Variants in FAT3 observed in about 807,000 individuals in gnomAD.
The protein encoded by FAT3 is FAT atypical cadherin 3.
A neutral mutation model predicts 310.2 loss-of-function variants in FAT3; 95 were observed. The observed-to-expected ratio is 0.31, with a 90% CI of 0.26 to 0.36. The LOEUF is 0.36. FAT3 is among the 10% of genes least tolerant of loss of function. The probability of loss-of-function intolerance (pLI) is 1.00; values close to 1 mark genes in which losing one functional copy is unlikely to be tolerated. For synonymous variants in FAT3, 2,314 were observed against 2,192.9 expected (o/e 1.06, Z -1.54); for missense variants, 5,408 against 5,715.6 (o/e 0.95, Z 1.74).
chr11:92,595,952 A>G (rs575462796), intron 3 of FAT3, among the ~76,000 whole-genome samples: 11 of 152,170 alleles, frequency 7.2e-5, no homozygotes, highest in Non-Finnish European at 1.5e-4. Flanking sequence ...CTAACCTGGA[A>G]CAAGAGAGTA....
intron 3 of FAT3, among the ~76,000 whole-genome samples, chr11:92,635,380 G>A (rs1941728251): frequency 6.6e-6 from 1 of 152,100 alleles, no homozygotes; most frequent in Non-Finnish European, 1.5e-5. Context: ...ACATGCTATA[G>A]TTAGTTTTCC....
chr11:92,511,505 T>C (rs531746071), intron 2 of FAT3, among the ~76,000 whole-genome samples: 2 of 152,298 alleles, frequency 1.3e-5, no homozygotes, highest in South Asian at 2.1e-4. Flanking sequence ...CACATTTTTA[T>C]AGTGTTCCAA....
chr11:92,669,582 G>T (rs1057191830), intron 3 of FAT3, among the ~76,000 whole-genome samples: 3 of 152,144 alleles, frequency 2.0e-5, no homozygotes, highest in Non-Finnish European at 2.9e-5. Flanking sequence ...TCAGCACTTT[G>T]CCTGTCTTTG....
intron 2 of FAT3, among the ~76,000 whole-genome samples, chr11:92,495,442 C>CAAA (rs1158638152): frequency 2.6e-5 from 4 of 151,966 alleles, no homozygotes; most frequent in African/African-American, 9.7e-5. Flanking sequence ...TTGTTTGGCT[C>CAAA]AAAACAATTG....
chr11:92,511,922 A>AT (rs757876260), intron 2 of FAT3, among the ~76,000 whole-genome samples: 14 of 152,190 alleles, frequency 9.2e-5, no homozygotes, highest in Admixed American at 1.3e-4. Context: ...AAATCATTGA[A>AT]TTTCCTATTA....
At chr11:92,262,566 G>A (rs1865600196) in intron 1 of FAT3, among the ~76,000 whole-genome samples, 1 of 152,054 alleles carries the variant, frequency 6.6e-6, no homozygotes, top group Admixed American at 6.6e-5. Context: ...AGGGAATTAG[G>A]CAAGTTTCTT....
intron 3 of FAT3, among the ~76,000 whole-genome samples, chr11:92,532,025 C>T (rs148173401): frequency 1.4e-3 from 206 of 152,192 alleles, no homozygotes; most frequent in African/African-American, 4.6e-3. Context: ...ATTGCACTAA[C>T]GTGGAATACT....
intron 3 of FAT3, among the ~76,000 whole-genome samples, chr11:92,555,084 C>A (rs752683628): frequency 2.6e-5 from 4 of 152,202 alleles, no homozygotes; most frequent in Non-Finnish European, 5.9e-5. Flanking sequence ...CTATACACAC[C>A]AATCAACTCT....
chr11:92,697,282 C>A, intron 3 of FAT3, 102 bp from the exon 4 acceptor site: 1 of 906,210 alleles, frequency 1.1e-6, no homozygotes, highest in Non-Finnish European at 1.8e-6. Flanking sequence ...AGTTACAGTT[C>A]CATACCACTT....
intron 2 of FAT3, among the ~76,000 whole-genome samples, chr11:92,374,168 T>C (rs1268476759): frequency 6.6e-6 from 1 of 152,174 alleles, no homozygotes; most frequent in African/African-American, 2.4e-5. Context: ...CTGACTCAAA[T>C]GTCAGTCTCT....
At chr11:92,757,493 T>G (rs1288028604) in intron 4 of FAT3, among the ~76,000 whole-genome samples, 2 of 152,180 alleles carry the variant, frequency 1.3e-5, no homozygotes, top group African/African-American at 2.4e-5. Flanking sequence ...AGTTTTGCTT[T>G]GATCTTCACT....
chr11:92,580,517 C>T (rs981789349), intron 3 of FAT3, among the ~76,000 whole-genome samples: 26 of 152,086 alleles, frequency 1.7e-4, no homozygotes, highest in African/African-American at 6.3e-4. Flanking sequence ...CTTGTTGTCA[C>T]TTATCAGAAT....
intron 2 of FAT3, among the ~76,000 whole-genome samples, chr11:92,491,278 G>A (rs1266432330): frequency 1.3e-5 from 2 of 152,038 alleles, no homozygotes; most frequent in African/African-American, 4.8e-5. Flanking sequence ...TATATCTGGA[G>A]CCATTTATTT....
intron 3 of FAT3, among the ~76,000 whole-genome samples, chr11:92,587,077 C>T (rs1939193730): frequency 1.3e-5 from 2 of 151,946 alleles, no homozygotes; most frequent in South Asian, 2.1e-4. Context: ...ATTTTCTTCT[C>T]GTCACTGACT....
rs763185617 is a variant in FAT3, at chr11:92,890,443, C to A, written c.13148-48C>A. The A allele has an allele frequency of 1.2e-5, 19 of 1,558,186 alleles. 1 individual carries two copies. In the South Asian group the frequency reaches 2.3e-4, roughly 19 times the overall value. On this transcript the variant is annotated intron_variant, in intron 27 of 27. Coordinates refer to ENST00000525166, the MANE Select transcript of FAT3 (RefSeq NM_001367949.2). ...TCCCTGCTCCTTTCCCAGCAAAGCACCAACTCCAGTCTAGAGGAAATTAAC... is the reference window on the plus strand; with the variant it reads ...TCCCTGCTCCTTTCCCAGCAAAGCAACAACTCCAGTCTAGAGGAAATTAAC...
intron 2 of FAT3, among the ~76,000 whole-genome samples, chr11:92,373,152 T>C (rs1949240624): frequency 6.6e-6 from 1 of 152,172 alleles, no homozygotes; most frequent in Non-Finnish European, 1.5e-5. Flanking sequence ...CACAATCATC[T>C]TTACTTCCTC....
chr11:92,738,760 G>A (rs1456871910), intron 4 of FAT3, among the ~76,000 whole-genome samples: 2 of 152,124 alleles, frequency 1.3e-5, no homozygotes, highest in Admixed American at 6.6e-5. Context: ...GCTGAGTCTT[G>A]TATGGCTATG....
rs112529506 is a variant in FAT3, at chr11:92,518,704, A to G, written c.3293-5930A>G. On this transcript the variant is annotated intron_variant, in intron 2 of 27. Coordinates refer to ENST00000525166, the MANE Select transcript of FAT3 (RefSeq NM_001367949.2). ...TTAGAACTAATAAGTAAGTTTAACA[A>G]TGTTGTAGGATACAAGATTAACATA... Among the ~76,000 whole-genome samples the G allele has an allele frequency of 2.7e-3, 407 of 152,248 alleles. 3 individuals carry two copies. The highest frequency in any genetic ancestry group is 8.6e-3 in the African/African-American group (358 of 41,562).
At chr11:92,471,745 G>A (rs946973502) in intron 2 of FAT3, among the ~76,000 whole-genome samples, 5 of 151,744 alleles carry the variant, frequency 3.3e-5, no homozygotes, top group African/African-American at 1.2e-4. Flanking sequence ...CAGGAAACTG[G>A]GAACAACTTA....
Sources: allele counts gnomAD v4.1 joint callset (sites outside exome capture counted in the v4.1 genomes callset), GRCh38; gene constraint gnomAD v4.1.1; transcripts MANE v1.5; gene names NCBI Gene and HGNC (gene_info 2026-07-23, HGNC 2026-07-21).